The following CCSER1 variants were observed in gnomAD, a reference collection of about 807,000 sequenced individuals.
CCSER1 encodes coiled-coil serine rich protein 1.
In CCSER1, 41 loss-of-function variants were observed where a neutral mutation model predicts 82.0. The observed-to-expected ratio is 0.50, with a 90% CI of 0.39 to 0.65. The LOEUF is 0.65. Ranked by LOEUF, CCSER1 falls within the 30% of genes least tolerant of loss-of-function variation. The pLI is 0.00. For synonymous variants in CCSER1, 414 were observed against 383.9 expected (o/e 1.08, Z -0.92); for missense variants, 1,119 against 1,064.2 (o/e 1.05, Z -0.72).
chr4:91,562,621 C>G (rs138559897), intron 10 of CCSER1, among the ~76,000 whole-genome samples: 11 of 151,594 alleles, frequency 7.3e-5, no homozygotes, highest in African/African-American at 2.7e-4. Flanking sequence ...ACTCTATATG[C>G]TGATGGCCAA....
chr4:90,842,825 G>C (rs1762740391), intron 8 of CCSER1, among the ~76,000 whole-genome samples: 1 of 152,160 alleles, frequency 6.6e-6, no homozygotes, highest in Non-Finnish European at 1.5e-5. Flanking sequence ...GTTTGTCCAA[G>C]ACAATGCCAG....
At chr4:90,293,291 T>C (rs1393968342) in intron 1 of CCSER1, among the ~76,000 whole-genome samples, 1 of 151,722 alleles carries the variant, frequency 6.6e-6, no homozygotes, top group Non-Finnish European at 1.5e-5. Flanking sequence ...CCTATACATA[T>C]TTATAAGAGA....
chr4:90,854,794 A>T (rs1764274931), intron 8 of CCSER1, among the ~76,000 whole-genome samples: 1 of 151,962 alleles, frequency 6.6e-6, no homozygotes, highest in Non-Finnish European at 1.5e-5. Context: ...AGGCTACTAC[A>T]TTACTGTATA....
chr4:90,666,806 A>G (rs1315040494), intron 6 of CCSER1, among the ~76,000 whole-genome samples: 2 of 152,128 alleles, frequency 1.3e-5, no homozygotes, highest in African/African-American at 4.8e-5. Context: ...GTAAAGTAGA[A>G]AATTTTGTGG....
intron 10 of CCSER1, among the ~76,000 whole-genome samples, chr4:91,400,553 T>A (rs1752253363): frequency 6.7e-6 from 1 of 148,976 alleles, no homozygotes; most frequent in Non-Finnish European, 1.5e-5. Context: ...TTTGAGTAAC[T>A]ATTTGCCCTT....
chr4:90,726,310 A>G (rs115194492), intron 7 of CCSER1, among the ~76,000 whole-genome samples: 2,612 of 152,094 alleles, frequency 0.017, 79 homozygotes, highest in African/African-American at 0.06. Context: ...AATAAAGACA[A>G]ATGGTAAATT....
intron 10 of CCSER1, among the ~76,000 whole-genome samples, chr4:91,514,690 A>C (rs1233309089): frequency 1.3e-5 from 2 of 152,112 alleles, no homozygotes; most frequent in Admixed American, 1.3e-4. Context: ...CACAATGTGC[A>C]GGGTGAGTCA....
intron 8 of CCSER1, among the ~76,000 whole-genome samples, chr4:90,827,283 A>G (rs1760592829): frequency 6.6e-6 from 1 of 152,156 alleles, no homozygotes; most frequent in Non-Finnish European, 1.5e-5. Flanking sequence ...TTTAGCATGG[A>G]AATTAGATTA....
chr4:90,972,448 T>A (rs543645690), intron 9 of CCSER1, among the ~76,000 whole-genome samples: 2 of 151,660 alleles, frequency 1.3e-5, no homozygotes, highest in Non-Finnish European at 1.5e-5. Context: ...TAAAAAAAAC[T>A]TAAGAATAAA....
chr4:90,214,915 A>G (rs1303604997), intron 1 of CCSER1, among the ~76,000 whole-genome samples: 1 of 152,166 alleles, frequency 6.6e-6, no homozygotes. Context: ...CTTTTAATAT[A>G]GCATTCCTGT....
chr4:91,522,341 G>C (rs921097438), intron 10 of CCSER1, among the ~76,000 whole-genome samples: 3 of 152,146 alleles, frequency 2.0e-5, no homozygotes, highest in Non-Finnish European at 2.9e-5. Context: ...TTTTTGCTTA[G>C]GATTGTCTTG....
chr4:91,564,513 A>G (rs981233718), intron 10 of CCSER1, among the ~76,000 whole-genome samples: 2 of 152,032 alleles, frequency 1.3e-5, no homozygotes, highest in Non-Finnish European at 2.9e-5. Context: ...TCCCACCAAC[A>G]GTGTATAAGG....
intron 1 of CCSER1, among the ~76,000 whole-genome samples, chr4:90,152,379 G>A (rs986334677): frequency 1.1e-4 from 16 of 152,140 alleles, no homozygotes; most frequent in African/African-American, 3.9e-4. Flanking sequence ...GAAGGAATGG[G>A]CATACTGGCC....
intron 9 of CCSER1, among the ~76,000 whole-genome samples, chr4:91,025,388 A>G (rs1740398758): frequency 1.3e-5 from 2 of 152,054 alleles, no homozygotes; most frequent in Non-Finnish European, 1.5e-5. Context: ...TGAATTTTTC[A>G]TTTTCACTTC....
At chr4:90,747,286 G>A (rs62312986) in intron 7 of CCSER1, among the ~76,000 whole-genome samples, 8,678 of 152,220 alleles carry the variant, frequency 0.057, 357 homozygotes, top group Admixed American at 0.11. Context: ...ATAATGGTCA[G>A]TTTTCCTAGA....
chr4:91,018,507 A>G (rs1363317157), intron 9 of CCSER1, among the ~76,000 whole-genome samples: 1 of 152,066 alleles, frequency 6.6e-6, no homozygotes, highest in East Asian at 1.9e-4. Context: ...TAAAATTTAT[A>G]TTTGGCCATA....
At chr4:90,321,519 A>G (rs12647511) in intron 3 of CCSER1, among the ~76,000 whole-genome samples, 47,169 of 152,036 alleles carry the variant, frequency 0.31, 8,183 homozygotes, top group African/African-American at 0.46. Context: ...GTGCTGCAAT[A>G]AACATGGGAG....
At chr4:90,588,841 T>G (rs770909329) in intron 5 of CCSER1, among the ~76,000 whole-genome samples, 2 of 152,178 alleles carry the variant, frequency 1.3e-5, no homozygotes, top group Non-Finnish European at 2.9e-5. Flanking sequence ...GCTTCCACCA[T>G]GATGGTGAGC....
chr4:91,323,787 C>T (rs1412737294), intron 10 of CCSER1, among the ~76,000 whole-genome samples: 2 of 152,138 alleles, frequency 1.3e-5, no homozygotes, highest in Admixed American at 6.6e-5. Context: ...CCTATGGATG[C>T]ATAGTTCCAT....
Sources: gnomAD v4.1 joint callset for allele counts (sites outside exome capture counted in the v4.1 genomes callset) on GRCh38, gnomAD v4.1.1 for gene constraint, MANE v1.5 for transcripts, NCBI Gene and HGNC (gene_info 2026-07-23, HGNC 2026-07-21) for gene names.